The following KIF21A variants were observed in gnomAD, a reference collection of about 807,000 sequenced individuals.
KIF21A encodes the protein kinesin-like protein KIF21A.
A neutral mutation model predicts 202.9 loss-of-function variants in KIF21A; 114 were observed. That is an observed-to-expected ratio of 0.56 (90% CI 0.48 to 0.66). KIF21A has a LOEUF of 0.66. KIF21A is among the 30% of genes least tolerant of loss of function. KIF21A has a pLI of 0.00. For synonymous variants in KIF21A, 667 were observed against 670.8 expected, an observed-to-expected ratio of 0.99 and a Z score of 0.09; for missense variants, 1,677 against 1,994.9, an observed-to-expected ratio of 0.84 and a Z score of 3.04.
intron 6 of KIF21A, among the ~76,000 whole-genome samples, chr12:39,364,918 G>A (rs1949496125): frequency 6.6e-6 from 1 of 152,146 alleles, no homozygotes; most frequent in East Asian, 1.9e-4. Flanking sequence ...TGATTTAAGA[G>A]TCATGCAGCT....
chr12:39,432,500 T>A (rs1341124634), intron 1 of KIF21A, among the ~76,000 whole-genome samples: 1 of 152,190 alleles, frequency 6.6e-6, no homozygotes, highest in African/African-American at 2.4e-5. Context: ...GTCAATTAAA[T>A]CACTGATATA....
intron 37 of KIF21A, among the ~76,000 whole-genome samples, 157 bp downstream of exon 37, chr12:39,301,323 T>A (rs1181419765): frequency 6.6e-6 from 1 of 152,204 alleles, no homozygotes; most frequent in Non-Finnish European, 1.5e-5. Context: ...AGTGCCCACA[T>A]GTACATCAGA....
intron 1 of KIF21A, among the ~76,000 whole-genome samples, chr12:39,388,788 AT>A (rs1270542108): frequency 6.6e-6 from 1 of 152,184 alleles, no homozygotes; most frequent in Non-Finnish European, 1.5e-5. Flanking sequence ...GTTAATTTAG[AT>A]TGTGATTCAC....
intron 1 of KIF21A, among the ~76,000 whole-genome samples, chr12:39,416,800 TAC>T (rs1953764073): frequency 8.5e-6 from 1 of 117,270 alleles, no homozygotes; most frequent in East Asian, 2.9e-4. Flanking sequence ...TATATATATG[TAC>T]ATATATATGT....
intron 1 of KIF21A, among the ~76,000 whole-genome samples, chr12:39,441,676 A>AAAAAAAAAAAAAAAAAAAAAAAC (rs1041857523): frequency 1.4e-4 from 19 of 137,312 alleles, no homozygotes; most frequent in African/African-American, 5.0e-4. Context: ...AAAAAAAAAA[A>AAAAAAAAAAAAAAAAAAAAAAAC]AAAACACTTA....
intron 1 of KIF21A, among the ~76,000 whole-genome samples, chr12:39,410,221 C>A (rs1174927851): frequency 6.6e-6 from 1 of 152,180 alleles, no homozygotes; most frequent in Non-Finnish European, 1.5e-5. Context: ...GAAAGGAATT[C>A]TCCCCTAGAG....
intron 11 of KIF21A, among the ~76,000 whole-genome samples, chr12:39,346,804 T>C (rs1452510289): frequency 6.6e-6 from 1 of 151,922 alleles, no homozygotes; most frequent in Admixed American, 6.6e-5. Context: ...GGATTAGGCA[T>C]GCTTGGATGC....
chr12:39,319,620 C>T (rs1944978701), intron 28 of KIF21A, among the ~76,000 whole-genome samples: 1 of 151,902 alleles, frequency 6.6e-6, no homozygotes, highest in African/African-American at 2.4e-5. Context: ...ATAAGCCTTA[C>T]CTCAAGTATA....
chr12:39,324,599 C>T (rs888202177), intron 26 of KIF21A, among the ~76,000 whole-genome samples: 3 of 152,046 alleles, frequency 2.0e-5, no homozygotes, highest in Admixed American at 6.5e-5. Flanking sequence ...TTTAATAATC[C>T]GTGAAATCTA....
chr12:39,391,817 G>A (rs1278290113), intron 1 of KIF21A, among the ~76,000 whole-genome samples: 2 of 152,062 alleles, frequency 1.3e-5, no homozygotes, highest in South Asian at 2.1e-4. Context: ...TCGGCTCACT[G>A]CAACCTCTGC....
chr12:39,420,550 A>G (rs1954168848), intron 1 of KIF21A, among the ~76,000 whole-genome samples: 1 of 152,180 alleles, frequency 6.6e-6, no homozygotes, highest in African/African-American at 2.4e-5. Flanking sequence ...ACCCAGAAAC[A>G]GCAAAGTGAG....
chr12:39,319,395 C>T (rs1255440801), intron 28 of KIF21A, among the ~76,000 whole-genome samples: 3 of 152,060 alleles, frequency 2.0e-5, no homozygotes, highest in Non-Finnish European at 2.9e-5. Flanking sequence ...CCTCACAAAA[C>T]ACACAGAAGA....
chr12:39,326,432 A>G lies in KIF21A; in HGVS notation c.3341-108T>C. On this transcript the variant is annotated intron_variant, in intron 24 of 37. Transcript: ENST00000361418. ...AACAGCTCAACATCTCAATATGGGC[A>G]CGATGGTTTTAGTAGCTGAATCTAA... The G allele has an allele frequency of 5.3e-6, 4 of 757,448 alleles. No homozygotes were observed. In the South Asian group the frequency reaches 5.8e-5, roughly 11 times the overall value. The allele number at this position is 757,448 out of a possible 1,614,324, so 46.9% of individuals were successfully genotyped here.
chr12:39,374,080 G>GA (rs1313174585), intron 1 of KIF21A, among the ~76,000 whole-genome samples: 19 of 152,046 alleles, frequency 1.2e-4, no homozygotes, highest in Non-Finnish European at 4.4e-5. Context: ...AATTCCTCTT[G>GA]AAAAATTAGT....
At chr12:39,413,258 C>A (rs962653815) in intron 1 of KIF21A, among the ~76,000 whole-genome samples, 4 of 152,108 alleles carry the variant, frequency 2.6e-5, no homozygotes, top group Admixed American at 1.3e-4. Context: ...ATCTAAAAAT[C>A]TTTGTTTCCA....
intron 35 of KIF21A, among the ~76,000 whole-genome samples, chr12:39,303,525 A>G (rs1011903760): frequency 6.6e-6 from 1 of 152,118 alleles, no homozygotes; most frequent in African/African-American, 2.4e-5. Context: ...AATTAAATTA[A>G]CCTGGCATGA....
At chr12:39,392,048 A>AT (rs1165763193) in intron 1 of KIF21A, among the ~76,000 whole-genome samples, 3 of 152,020 alleles carry the variant, frequency 2.0e-5, no homozygotes, top group Non-Finnish European at 4.4e-5. Context: ...TTAAACTGCA[A>AT]TTTTTTAAAA....
chr12:39,362,783 G>A (rs941481937), intron 7 of KIF21A, among the ~76,000 whole-genome samples: 8 of 152,078 alleles, frequency 5.3e-5, no homozygotes, highest in Non-Finnish European at 7.4e-5. Context: ...CAGAAGCTAC[G>A]ATAAGAGAGA....
intron 1 of KIF21A, among the ~76,000 whole-genome samples, chr12:39,414,598 C>T (rs1324366253): frequency 6.6e-6 from 1 of 152,140 alleles, no homozygotes; most frequent in African/African-American, 2.4e-5. Context: ...GAAATCCATG[C>T]ATGCAGGCTG....
Sources: allele counts gnomAD v4.1 joint callset (sites outside exome capture counted in the v4.1 genomes callset), GRCh38; gene constraint gnomAD v4.1.1; transcripts MANE v1.5; gene names NCBI Gene and HGNC (gene_info 2026-07-23, HGNC 2026-07-21).